Variants in SHISA9 observed in about 807,000 individuals in gnomAD.
SHISA9 encodes the protein shisa family member 9, also known as protein shisa-9.
SHISA9 carries 13 observed loss-of-function variants against 38.0 expected under a neutral mutation model. The observed-to-expected ratio is 0.34, with a 90% CI of 0.22 to 0.54. SHISA9 has a LOEUF of 0.54. SHISA9 is among the 20% of genes least tolerant of loss of function. The pLI is 0.91. For missense variants in SHISA9, 538 were observed against 575.8 expected, an observed-to-expected ratio of 0.93 and a Z score of 0.67; for synonymous variants, 275 against 242.0, an observed-to-expected ratio of 1.14 and a Z score of -1.27.
At chr16:13,392,070 C>T in the SHISA9 span, among the ~76,000 whole-genome samples, 2 of 152,242 alleles carry the variant, frequency 1.3e-5, no homozygotes, top group East Asian at 3.9e-4. Flanking sequence ...TGCAGCAGGG[C>T]AGCTTTCCTA....
intron 4 of SHISA9, among the ~76,000 whole-genome samples, chr16:13,225,015 G>A (rs148302644): frequency 2.1e-3 from 317 of 152,270 alleles, no homozygotes; most frequent in Non-Finnish European, 3.5e-3. Flanking sequence ...AGGTCATTGA[G>A]TTGAGGATAT....
At chr16:13,322,524 A>G in the SHISA9 span, among the ~76,000 whole-genome samples, 104 of 152,222 alleles carry the variant, frequency 6.8e-4, 1 homozygote, top group African/African-American at 2.4e-3. Context: ...TCTTTTGCAT[A>G]GAAACCCAGA....
intron 2 of SHISA9, among the ~76,000 whole-genome samples, chr16:12,977,000 A>T (rs2072171849): frequency 6.6e-6 from 1 of 152,164 alleles, no homozygotes; most frequent in Non-Finnish European, 1.5e-5. Flanking sequence ...GAGACATGAA[A>T]AAAGAGGGAG....
chr16:13,156,756 T>G (rs1226680592), intron 2 of SHISA9, among the ~76,000 whole-genome samples: 2 of 142,608 alleles, frequency 1.4e-5, no homozygotes, highest in African/African-American at 2.6e-5. Flanking sequence ...AAAAAAAAAT[T>G]ACTTCCTTGC....
the SHISA9 span, among the ~76,000 whole-genome samples, chr16:13,487,272 A>G: frequency 6.6e-6 from 1 of 152,244 alleles, no homozygotes; most frequent in Non-Finnish European, 1.5e-5. Context: ...CCGTTCTTGC[A>G]TTGCTACAGA....
the SHISA9 span, among the ~76,000 whole-genome samples, chr16:13,247,633 C>T: frequency 6.6e-6 from 1 of 152,196 alleles, no homozygotes. Flanking sequence ...TCTTCACTGT[C>T]AGCTTGGCAT....
the SHISA9 span, among the ~76,000 whole-genome samples, chr16:13,428,791 C>CA: frequency 1.6e-5 from 2 of 124,188 alleles, no homozygotes; most frequent in African/African-American, 6.2e-5. Context: ...TTTTTTGAGT[C>CA]AGAGTCTCAC....
At chr16:13,416,529 C>A in the SHISA9 span, among the ~76,000 whole-genome samples, 1 of 152,064 alleles carries the variant, frequency 6.6e-6, no homozygotes, top group Non-Finnish European at 1.5e-5. Context: ...CAAGTTTATT[C>A]CTGTGGAAAC....
chr16:13,285,747 A>G, the SHISA9 span, among the ~76,000 whole-genome samples: 1 of 152,114 alleles, frequency 6.6e-6, no homozygotes, highest in Admixed American at 6.6e-5. Flanking sequence ...TTATCTTTTA[A>G]TTACTTATCC....
At chr16:13,538,562 A>G in the SHISA9 span, among the ~76,000 whole-genome samples, 150 of 152,304 alleles carry the variant, frequency 9.8e-4, 1 homozygote, top group Middle Eastern at 0.01. Flanking sequence ...AAGGCAATGT[A>G]TGTTTTTGCT....
chr16:13,316,483 A>G, the SHISA9 span, among the ~76,000 whole-genome samples: 3 of 152,198 alleles, frequency 2.0e-5, no homozygotes, highest in East Asian at 1.9e-4. Flanking sequence ...TGAGCCCACA[A>G]TCATGGAATT....
At chr16:13,270,449 G>A in the SHISA9 span, among the ~76,000 whole-genome samples, 2 of 152,100 alleles carry the variant, frequency 1.3e-5, no homozygotes, top group African/African-American at 4.8e-5. Flanking sequence ...AGGAGAGTGA[G>A]GAAGGAAAAG....
At chr16:13,411,020 A>G in the SHISA9 span, among the ~76,000 whole-genome samples, 2,091 of 152,314 alleles carry the variant, frequency 0.014, 45 homozygotes, top group African/African-American at 0.048. Flanking sequence ...GGGTATAGGT[A>G]CCAGAGTTCT....
chr16:13,223,325 G>A (rs2051247515), intron 4 of SHISA9, among the ~76,000 whole-genome samples: 2 of 152,132 alleles, frequency 1.3e-5, no homozygotes, highest in African/African-American at 4.8e-5. Flanking sequence ...AGATTCTCGG[G>A]AGGCTGAGGT....
At chr16:13,197,162 G>T (rs203323) in intron 2 of SHISA9, among the ~76,000 whole-genome samples, 36,466 of 147,618 alleles carry the variant, frequency 0.25, 4,411 homozygotes, top group South Asian at 0.36. Flanking sequence ...TATATAGAGA[G>T]AGAGAGAGAG....
chr16:13,254,647 G>T, the SHISA9 span, among the ~76,000 whole-genome samples: 1 of 152,180 alleles, frequency 6.6e-6, no homozygotes, highest in Non-Finnish European at 1.5e-5. Context: ...GGGCCTCTTG[G>T]CCCCACTAAT....
chr16:12,996,527 C>T (rs1363725304), intron 2 of SHISA9, among the ~76,000 whole-genome samples: 1 of 152,196 alleles, frequency 6.6e-6, no homozygotes, highest in Non-Finnish European at 1.5e-5. Flanking sequence ...GCATGGCCCC[C>T]AGGGTGACTA....
the SHISA9 span, among the ~76,000 whole-genome samples, chr16:13,391,613 C>T: frequency 9.7e-3 from 1,470 of 152,222 alleles, 11 homozygotes; most frequent in Middle Eastern, 0.031. Context: ...ACTGTGATCA[C>T]CTGAGAGCTT....
At chr16:13,527,361 C>G in the SHISA9 span, among the ~76,000 whole-genome samples, 1 of 152,188 alleles carries the variant, frequency 6.6e-6, no homozygotes, top group South Asian at 2.1e-4. Flanking sequence ...CACTCCCAGT[C>G]TTTAGACGCA....
Sources: gnomAD v4.1 joint callset for allele counts (sites outside exome capture counted in the v4.1 genomes callset) on GRCh38, gnomAD v4.1.1 for gene constraint, MANE v1.5 for transcripts, NCBI Gene and HGNC (gene_info 2026-07-23, HGNC 2026-07-21) for gene names.